TMEM178B: variants seen among roughly 807,000 people sequenced by gnomAD.
TMEM178B encodes transmembrane protein 178B.
In TMEM178B, 5 loss-of-function variants were observed where a neutral mutation model predicts 31.0. That is an observed-to-expected ratio of 0.16 (90% confidence interval 0.08 to 0.34). The LOEUF (loss-of-function observed/expected upper bound fraction) is 0.34. Among genes scored for constraint, TMEM178B ranks in the 10% least tolerant of loss-of-function variants. The pLI, the probability that TMEM178B is intolerant of heterozygous loss-of-function variation, is 1.00. For missense variants in TMEM178B, 275 were observed against 400.3 expected (o/e 0.69, Z 2.67); for synonymous variants, 164 against 164.0 (o/e 1.00, Z 0.00).
At chr7:141,296,023 A>C (rs923318359) in intron 2 of TMEM178B, among the ~76,000 whole-genome samples, 10 of 152,136 alleles carry the variant, frequency 6.6e-5, no homozygotes, top group African/African-American at 2.4e-4. Flanking sequence ...GAAAAAAATT[A>C]AATGCAACAA....
chr7:141,112,829 CT>C (rs1795256115), intron 1 of TMEM178B, among the ~76,000 whole-genome samples: 1 of 152,154 alleles, frequency 6.6e-6, no homozygotes, highest in Non-Finnish European at 1.5e-5. Flanking sequence ...CACTCATCCA[CT>C]TGGCCAGGGT....
At chr7:141,222,275 T>C (rs951472768) in intron 2 of TMEM178B, among the ~76,000 whole-genome samples, 3 of 152,190 alleles carry the variant, frequency 2.0e-5, no homozygotes, top group Non-Finnish European at 4.4e-5. Flanking sequence ...AAGGGAATCT[T>C]CCTAATATCT....
chr7:141,412,321 G>A (rs543863251), intron 2 of TMEM178B, among the ~76,000 whole-genome samples: 5 of 152,286 alleles, frequency 3.3e-5, no homozygotes, highest in East Asian at 1.9e-4. Context: ...GGAGAGTGCA[G>A]GAACGAAGTG....
chr7:141,108,749 T>C (rs1795186078), intron 1 of TMEM178B, among the ~76,000 whole-genome samples: 1 of 152,154 alleles, frequency 6.6e-6, no homozygotes, highest in Admixed American at 6.5e-5. Context: ...ATTGTGTGTT[T>C]TTTCTCTAGC....
At chr7:141,227,619 C>T (rs912292831) in intron 2 of TMEM178B, among the ~76,000 whole-genome samples, 1 of 152,126 alleles carries the variant, frequency 6.6e-6, no homozygotes, top group African/African-American at 2.4e-5. Context: ...ATCTGTCAGC[C>T]AGGCATGATG....
At chr7:141,086,794 G>T (rs201746605) in intron 1 of TMEM178B, among the ~76,000 whole-genome samples, 2 of 152,000 alleles carry the variant, frequency 1.3e-5, no homozygotes, top group Non-Finnish European at 2.9e-5. Flanking sequence ...CCATCTTCTG[G>T]GTTCAAATGA....
intron 1 of TMEM178B, among the ~76,000 whole-genome samples, chr7:141,120,090 G>A (rs956636500): frequency 6.6e-6 from 1 of 152,178 alleles, no homozygotes; most frequent in Non-Finnish European, 1.5e-5. Flanking sequence ...TGGTGACTTA[G>A]CATTGAGGGA....
intron 1 of TMEM178B, among the ~76,000 whole-genome samples, chr7:141,147,695 C>T (rs1237493686): frequency 6.6e-6 from 1 of 152,148 alleles, no homozygotes; most frequent in Non-Finnish European, 1.5e-5. Flanking sequence ...GGGCACACCA[C>T]GCTGCCATCA....
At position 141,318,598 on chromosome 7, in the gene TMEM178B, CTG is replaced by C. The variant is rs770073112; in HGVS notation, c.496+105898_496+105899del. ...TATTCCTCATCTCTTCAAACCCGTG[CTG>C]TGTTGCCCAGTTGTTTGATAGCTAA... is the stretch of plus-strand genomic sequence containing the variant. On this transcript the variant is annotated intron_variant, in intron 2 of 3. Coordinates refer to ENST00000565468, the MANE Select transcript of TMEM178B (RefSeq NM_001195278.2). This position sits in a 1 kb window ranked among gnomAD's most constrained non-coding sequence, Gnocchi z 4.1. Among the ~76,000 whole-genome samples, 1 of 152,186 alleles carries C rather than the reference CTG, an allele frequency of 6.6e-6. No homozygotes were observed. Among genetic ancestry groups the C allele is most frequent in the East Asian group, 1.9e-4 (1 of 5,196 alleles).
At chr7:141,289,374 T>A (rs2116417600) in intron 2 of TMEM178B, among the ~76,000 whole-genome samples, 1 of 152,312 alleles carries the variant, frequency 6.6e-6, no homozygotes, top group African/African-American at 2.4e-5. Context: ...TATATTATCA[T>A]GACCTTTGGG....
chr7:141,481,886 C>A (rs1802482233), downstream of TMEM178B, among the ~76,000 whole-genome samples: 1 of 152,048 alleles, frequency 6.6e-6, no homozygotes. Context: ...CTGCCCCAGC[C>A]CGGGCAGGGG....
rs57427295 is a variant in TMEM178B, at chr7:141,171,017, TACACACACACACACACACACAC to T, written c.383-41547_383-41526del. ...GTTCAGACTACACATCACACACACA[TACACACACACACACACACACAC>T]ACACACACACACACACACACACACA... On this transcript the variant is annotated intron_variant, in intron 1 of 3. Transcript: ENST00000565468. This position sits in a 1 kb window ranked among gnomAD's most constrained non-coding sequence, Gnocchi z 4.3. Among the ~76,000 whole-genome samples, 92 of 146,158 alleles carry T rather than the reference TACACACACACACACACACACAC, an allele frequency of 6.3e-4. No homozygotes were observed. The highest frequency in any genetic ancestry group is 1.9e-3 in the African/African-American group (75 of 39,664).
chr7:141,256,817 A>G (rs1177751377), intron 2 of TMEM178B, among the ~76,000 whole-genome samples: 1 of 152,124 alleles, frequency 6.6e-6, no homozygotes, highest in Non-Finnish European at 1.5e-5. Context: ...CATTGTCAAG[A>G]TGTTGCTGAC....
At chr7:141,310,725 T>C (rs879075929) in intron 2 of TMEM178B, among the ~76,000 whole-genome samples, 1 of 152,192 alleles carries the variant, frequency 6.6e-6, no homozygotes, top group Non-Finnish European at 1.5e-5. Flanking sequence ...GTTCAACCAT[T>C]GTGGAAGGCA....
chr7:141,213,255 A>G (rs1299920310), intron 2 of TMEM178B, among the ~76,000 whole-genome samples: 2 of 152,230 alleles, frequency 1.3e-5, no homozygotes. Flanking sequence ...GCAATTCCTC[A>G]GCAAAGATCA....
Position 141,329,860 on chromosome 7 carries a change from C to T in TMEM178B, c.497-107748C>T, listed in dbSNP as rs1025986905. On this transcript the variant is annotated intron_variant, in intron 2 of 3. Coordinates refer to ENST00000565468, the MANE Select transcript of TMEM178B (RefSeq NM_001195278.2). ...CAGCTCATAAAGAGCTAAAAACAAT[C>T]TGGCTGGGGACATGACACTCACACA... 1.1e-4 allele frequency among the ~76,000 whole-genome samples: 17 copies of T among 152,208 alleles called. 1 individual carries two copies. Among genetic ancestry groups the T allele is most frequent in the Admixed American group, 4.6e-4 (7 of 15,286 alleles).
intron 2 of TMEM178B, among the ~76,000 whole-genome samples, chr7:141,256,960 A>C (rs185655844): frequency 6.6e-6 from 1 of 152,242 alleles, no homozygotes; most frequent in East Asian, 1.9e-4. Flanking sequence ...AGTTGAGGGG[A>C]ACAGGATCAG....
chr7:141,176,498 T>C (rs1796436848), intron 1 of TMEM178B, among the ~76,000 whole-genome samples: 1 of 152,190 alleles, frequency 6.6e-6, no homozygotes, highest in South Asian at 2.1e-4. Flanking sequence ...GGAGTCCCTC[T>C]TTTTCTATTA....
chr7:141,456,622 A>T (rs1801969027), intron 3 of TMEM178B, among the ~76,000 whole-genome samples: 1 of 152,214 alleles, frequency 6.6e-6, no homozygotes, highest in Non-Finnish European at 1.5e-5. Flanking sequence ...AACCAGGAAG[A>T]TGCAGTGTCA....
Sources: gnomAD v4.1 joint callset for allele counts (sites outside exome capture counted in the v4.1 genomes callset) on GRCh38, gnomAD v4.1.1 for gene constraint, Gnocchi (gnomAD v3.1) non-coding constraint, MANE v1.5 for transcripts, NCBI Gene and HGNC (gene_info 2026-07-23, HGNC 2026-07-21) for gene names.